Variants in UBE2D3 observed in about 807,000 individuals in gnomAD.
UBE2D3 encodes ubiquitin-conjugating enzyme E2 D3.
A neutral mutation model predicts 22.8 loss-of-function variants in UBE2D3; 2 were observed. The ratio of observed to expected loss-of-function variants is 0.09; its 90% CI spans 0.04 to 0.28. The LOEUF is 0.28. Among genes scored for constraint, UBE2D3 ranks in the 10% least tolerant of loss-of-function variants. UBE2D3 has a pLI of 1.00. For synonymous variants in UBE2D3, 56 were observed against 60.4 expected (o/e 0.93, Z 0.34); for missense variants, 27 against 182.5 (o/e 0.15, Z 4.91).
At chr4:102,865,002 T>C (rs1560897291) in intron 1 of UBE2D3, among the ~76,000 whole-genome samples, 1 of 152,158 alleles carries the variant, frequency 6.6e-6, no homozygotes, top group Admixed American at 6.6e-5. Flanking sequence ...CCCTTTCTCA[T>C]GCACAAAAAG....
At chr4:102,806,218 C>CA (rs1359247261) in intron 4 of UBE2D3, among the ~76,000 whole-genome samples, 1 of 152,100 alleles carries the variant, frequency 6.6e-6, no homozygotes, top group Non-Finnish European at 1.5e-5. Flanking sequence ...TTCTATAGAA[C>CA]ATGTTCTCTA....
At chr4:102,868,072 C>CTTTTTTTTTTTTTTT (rs11418599) in intron 1 of UBE2D3, among the ~76,000 whole-genome samples, 12 of 115,250 alleles carry the variant, frequency 1.0e-4, no homozygotes, top group African/African-American at 3.9e-4. Flanking sequence ...GCTTTAGATT[C>CTTTTTTTTTTTTTTT]TTTTTTTTTT....
chr4:102,818,885 TA>T (rs1255277087), intron 2 of UBE2D3, among the ~76,000 whole-genome samples: 2 of 152,190 alleles, frequency 1.3e-5, no homozygotes, highest in Non-Finnish European at 2.9e-5. Context: ...TTGGAGATGT[TA>T]AACTATGCTT....
Position 102,827,545 on chromosome 4 carries a change from C to A in UBE2D3, c.-247G>T. 2 of 986,488 alleles carry A rather than the reference C, an allele frequency of 2.0e-6. No individual in the cohort carries two copies. The highest frequency in any genetic ancestry group is 2.4e-6 in the Non-Finnish European group (2 of 830,426). 61.1% of individuals were successfully genotyped at this position (986,488 alleles called of 1,614,324 possible). On this transcript the variant is annotated 5_prime_UTR_variant, in exon 1 of 8. Coordinates refer to ENST00000453744, the MANE Select transcript of UBE2D3 (RefSeq NM_181891.3). ...CACAGCCACAAGATGTCCGCTCTGA[C>A]GGAACTACTGCCAGCTGCCACGCTC...
chr4:102,853,135 A>ATC (rs386626793), intron 1 of UBE2D3, among the ~76,000 whole-genome samples: 1,683 of 88,434 alleles, frequency 0.019, 430 homozygotes, highest in African/African-American at 0.07. Context: ...AAACACACAC[A>ATC]TTTTTTTTTT....
rs113254241 is a variant in UBE2D3 at position 102,849,691 on chromosome 4, A to G, written c.-129+19024T>C. Among the ~76,000 whole-genome samples, 661 of 152,334 alleles carry G rather than the reference A, an allele frequency of 4.3e-3. 1 individual carries two copies. Among genetic ancestry groups the G allele is most frequent in the Non-Finnish European group, 6.6e-3 (452 of 68,038 alleles). ...TACCATAAAATGGTGCTCAACTTCAATGGTCATCAAGTAAAAGGTTAATGT... is the reference window on the plus strand; with the variant it reads ...TACCATAAAATGGTGCTCAACTTCAGTGGTCATCAAGTAAAAGGTTAATGT... On this transcript the variant is annotated intron_variant, in intron 1 of 7. Transcript: ENST00000338145.
At position 102,797,272 on chromosome 4, in the gene UBE2D3, T is replaced by C. The variant is rs567701754; in HGVS notation, c.*143A>G. 5.9e-5 allele frequency: 37 copies of C among 629,912 alleles called. No homozygotes were observed. In the African/African-American group the frequency reaches 6.1e-4, roughly 10 times the overall value. The allele number at this position is 629,912 out of a possible 1,614,324, so 39.0% of individuals were successfully genotyped here. ...AAGTCTTCTCAGATGAGCATGTGAA[T>C]GAATGGAGGGAGGTAAACAAAAAAT... On this transcript the variant is annotated 3_prime_UTR_variant, in exon 8 of 8. Coordinates refer to ENST00000453744, the MANE Select transcript of UBE2D3 (RefSeq NM_181891.3).
At chr4:102,817,939 C>T (rs1729013909) in intron 2 of UBE2D3, among the ~76,000 whole-genome samples, 1 of 152,096 alleles carries the variant, frequency 6.6e-6, no homozygotes, top group South Asian at 2.1e-4. Context: ...GCTTCAGGGA[C>T]AAAAACACTA....
upstream of UBE2D3, chr4:102,828,019 A>G (rs771483521): frequency 4.1e-6 from 4 of 985,378 alleles, no homozygotes; most frequent in Non-Finnish European, 4.8e-6. Context: ...ATGACTTAAG[A>G]GCAGTTTTGT....
chr4:102,809,229 G>A (rs1727565659), intron 4 of UBE2D3: 1 of 260,434 alleles, frequency 3.8e-6, no homozygotes, highest in South Asian at 3.1e-5. Flanking sequence ...TTCAAATTTT[G>A]CATAAACTGA....
At chr4:102,798,155 C>T (rs1331486166) in intron 7 of UBE2D3, among the ~76,000 whole-genome samples, 2 of 151,348 alleles carry the variant, frequency 1.3e-5, no homozygotes, top group East Asian at 3.9e-4. Context: ...GTAATTCACA[C>T]ACAAGCAAGG....
chr4:102,843,265 T>G (rs1219985569), intron 1 of UBE2D3: 2 of 152,082 alleles, frequency 1.3e-5, no homozygotes, highest in Non-Finnish European at 2.9e-5. Flanking sequence ...GGTTTAGGAG[T>G]AAGGCCATAT....
intron 1 of UBE2D3, among the ~76,000 whole-genome samples, chr4:102,868,089 T>G (rs888103516): frequency 2.7e-5 from 4 of 149,856 alleles, no homozygotes; most frequent in East Asian, 3.9e-4. Flanking sequence ...TTTTTTTTTT[T>G]TGTGACGGAG....
In UBE2D3 at chr4:102,797,012, T is replaced by C. The variant is rs1213115109; in HGVS notation, c.*403A>G. The C allele has an allele frequency of 1.2e-5, 2 of 162,852 alleles. No homozygotes were observed. The highest frequency in any genetic ancestry group is 2.4e-5 in the African/African-American group (1 of 41,724). The allele number at this position is 162,852 out of a possible 1,614,324, so 10.1% of individuals were successfully genotyped here. A position where few individuals can be genotyped will look rare whatever the true frequency, so the allele number is the denominator to read the frequency against. On this transcript the variant is annotated 3_prime_UTR_variant, in exon 8 of 8. Transcript: ENST00000453744. ...AATGGATGCTGCTAGAATAATGCTG[T>C]ATCCTTTGATGTGACAACTGAGCAT...
intron 2 of UBE2D3, among the ~76,000 whole-genome samples, chr4:102,824,593 C>G (rs1197703144): frequency 6.6e-6 from 1 of 152,214 alleles, no homozygotes; most frequent in Non-Finnish European, 1.5e-5. Context: ...AATGTTTACA[C>G]TCTTAACCAC....
intron 4 of UBE2D3, among the ~76,000 whole-genome samples, chr4:102,804,940 C>A (rs1474097623): frequency 6.6e-6 from 1 of 152,180 alleles, no homozygotes; most frequent in Non-Finnish European, 1.5e-5. Flanking sequence ...CCACCTTGGC[C>A]TCCCAAAGTG....
intron 6 of UBE2D3, among the ~76,000 whole-genome samples, 191 bp downstream of exon 6, chr4:102,801,263 T>C (rs1034175941): frequency 1.3e-5 from 2 of 152,064 alleles, no homozygotes; most frequent in South Asian, 4.1e-4. Flanking sequence ...TCACCACAAT[T>C]TGAATTTTAA....
intron 1 of UBE2D3, among the ~76,000 whole-genome samples, chr4:102,859,024 A>G (rs1732757793): frequency 1.3e-5 from 2 of 151,864 alleles, no homozygotes; most frequent in African/African-American, 4.8e-5. Flanking sequence ...CATGTTGCTA[A>G]TTAGCATCCT....
chr4:102,826,955 T>C (rs1053149892), intron 1 of UBE2D3: 11 of 1,002,662 alleles, frequency 1.1e-5, no homozygotes, highest in African/African-American at 1.7e-5. Context: ...GTCGGCGCTA[T>C]ACCGGCGTCA....
Sources: gnomAD v4.1 joint callset for allele counts (sites outside exome capture counted in the v4.1 genomes callset) on GRCh38, gnomAD v4.1.1 for gene constraint, MANE v1.5 for transcripts, NCBI Gene and HGNC (gene_info 2026-07-23, HGNC 2026-07-21) for gene names.